Variants in PRAMEF14 observed in about 807,000 individuals in gnomAD.
PRAMEF14 encodes PRAME family member 14.
In PRAMEF14, 24 loss-of-function variants were observed where a neutral mutation model predicts 38.3. That is an observed-to-expected ratio of 0.63 (90% CI 0.45 to 0.88). The LOEUF (loss-of-function observed/expected upper bound fraction) is 0.88. Ranked by LOEUF, PRAMEF14 falls within the 40% of genes least tolerant of loss-of-function variation. The pLI, the probability that PRAMEF14 is intolerant of heterozygous loss-of-function variation, is 0.00. For synonymous variants in PRAMEF14, 194 were observed against 226.4 expected (o/e 0.86, Z 1.29); for missense variants, 477 against 570.8 (o/e 0.84, Z 1.67).
intron 2 of PRAMEF14, 133 bp from the exon 3 acceptor site, chr1:13,344,749 G>C (rs2130973): frequency 2.1e-6 from 3 of 1,457,352 alleles, no homozygotes; most frequent in Non-Finnish European, 2.8e-6. Flanking sequence ...CTCAATCCCT[G>C]TTCCCTTTTG....
In PRAMEF14 at chr1:13,342,546, C is replaced by T. The variant is rs1171945176; in HGVS notation, c.1407G>A (p.Glu469=). Residue 469 remains glutamate (E), a synonymous_variant, in exon 4 of 4, where the codon GAG becomes GAA. Coordinates refer to ENST00000334600, the MANE Select transcript of PRAMEF14 (RefSeq NM_001024661.2). ...SCGSSPSEEL[E]LHLCC is the part of the protein sequence containing the mutation. ...GCCTTCCCTAGCAGCAAAGATGGAG[C>T]TCCAGTTCCTCAGACGGTGATGAGC... 11 of 1,604,654 alleles carry T rather than the reference C, an allele frequency of 6.9e-6. 2 individuals carry two copies. In the East Asian group the frequency reaches 7.2e-5, roughly 10 times the overall value.
chr1:13,345,282 C>G lies in PRAMEF14; in HGVS notation c.33G>C (p.Glu11Asp). The G allele has an allele frequency of 1.2e-6, 2 of 1,607,546 alleles. No individual in the cohort carries two copies. Among genetic ancestry groups the G allele is most frequent in the Non-Finnish European group, 1.7e-6 (2 of 1,178,654 alleles). Residue 11 changes from glutamate (E) to aspartate (D), a missense_variant, in exon 2 of 4, where the codon GAG becomes GAC. This residue lies in a region of PRAMEF14 where 58 missense variants were observed against 119.9 expected (regional missense o/e 0.48). Coordinates refer to ENST00000334600, the MANE Select transcript of PRAMEF14 (RefSeq NM_001024661.2). MSIQAPPRLL[E>D]LAGQSLLRDQ... ...CTCTCAGCAGGCTCTGCCCTGCCAG[C>G]TCCAGGAGTCTGGGTGGGGCCTGGA...
In PRAMEF14 at chr1:13,344,492, A is replaced by G. The variant is rs1553125571; in HGVS notation, c.412T>C (p.Cys138Arg). ...TMSKRQTAEDCPRMGEHQPLK... is the reference protein window; with the variant it reads ...TMSKRQTAEDRPRMGEHQPLK... Reference sequence around the variant, plus strand: ...GGCTGGTGCTCTCCCATCCTTGGACAGTCCTCTGCTGTCTGCCTCTTACTC... The same window carrying G: ...GGCTGGTGCTCTCCCATCCTTGGACGGTCCTCTGCTGTCTGCCTCTTACTC... Residue 138 changes from cysteine to arginine, a missense_variant, in exon 3 of 4, where the codon TGT (cysteine) becomes CGT (arginine). Cys to Arg is a radical substitution (Grantham distance 180). Around this residue, in one of 4 missense-constraint regions of PRAMEF14, gnomAD observed 234 missense variants for 247.4 expected, o/e 0.95. Coordinates refer to ENST00000334600, the MANE Select transcript of PRAMEF14 (RefSeq NM_001024661.2). 7.7e-5 allele frequency: 123 copies of G among 1,607,400 alleles called. 7 individuals are homozygous for G. The highest frequency in any genetic ancestry group is 5.2e-4 in the East Asian group (22 of 42,528).
In PRAMEF14 at chr1:13,344,484, C is replaced by T; in HGVS notation, c.420G>A (p.Arg140=). 2 of 1,607,376 alleles carry T rather than the reference C, an allele frequency of 1.2e-6. No individual in the cohort carries two copies. The highest frequency in any genetic ancestry group is 1.7e-5 in the Admixed American group (1 of 59,822). The change falls in exon 3 of 4, where the codon AGG becomes AGA. Residue 140 remains arginine (R), a synonymous_variant. Transcript: ENST00000334600. Reference sequence around the variant, plus strand: ...CCTTTAAGGGCTGGTGCTCTCCCATCCTTGGACAGTCCTCTGCTGTCTGCC... The same window carrying T: ...CCTTTAAGGGCTGGTGCTCTCCCATTCTTGGACAGTCCTCTGCTGTCTGCC... ...SKRQTAEDCP[R]MGEHQPLKVF...
chr1:13,343,525 C>G (rs1318991309), intron 3 of PRAMEF14: 1 of 1,293,884 alleles, frequency 7.7e-7, no homozygotes, highest in Non-Finnish European at 1.0e-6. Flanking sequence ...ACTCCCTCAC[C>G]TCCATCCCAG....
chr1:13,342,477 A>T lies in PRAMEF14; in HGVS notation c.*51T>A. 2 of 1,601,236 alleles carry T rather than the reference A, an allele frequency of 1.2e-6. No individual in the cohort carries two copies. Among genetic ancestry groups the T allele is most frequent in the Non-Finnish European group, 1.7e-6 (2 of 1,174,196 alleles). ...CCTACATAGTAGATTTTAGTGTCCC[A>T]GTGCCTGGAAGAGAACTTTGGATTT... On this transcript the variant is annotated 3_prime_UTR_variant, in exon 4 of 4. Coordinates refer to ENST00000334600, the MANE Select transcript of PRAMEF14 (RefSeq NM_001024661.2).
chr1:13,345,348 CA>C lies in PRAMEF14; in HGVS notation c.-25-10del. ...ATCTGCAAGAAAAATCTCTAGAAGA[CA>C]AATCCAGGGAAAATGTATCACTCTC... On this transcript the variant is annotated splice_polypyrimidine_tract_variant and intron_variant, in intron 1 of 3. Transcript: ENST00000334600. 2 of 1,602,394 alleles carry C rather than the reference CA, an allele frequency of 1.2e-6. No homozygotes were observed. The highest frequency in any genetic ancestry group is 1.7e-6 in the Non-Finnish European group (2 of 1,176,156).
chr1:13,343,376 AG>A (rs1481588102), intron 3 of PRAMEF14, among the ~76,000 whole-genome samples: 10 of 146,790 alleles, frequency 6.8e-5, no homozygotes, highest in Non-Finnish European at 1.5e-4. Flanking sequence ...TCTGGGCTAC[AG>A]GTACCCGGTG....
chr1:13,342,846 G>C lies in PRAMEF14; in HGVS notation c.1107C>G (p.Ile369Met), dbSNP rs1640348287. Reference protein sequence around the residue: ...CQIHYSQLSAILPGLSHCSQL... With the variant: ...CQIHYSQLSAMLPGLSHCSQL... Reference sequence around the variant, plus strand: ...GGGAGCAGTGGCTCAGGCCAGGCAGGATGGCACTGAGTTGGGAGTAGTGGA... The same window carrying C: ...GGGAGCAGTGGCTCAGGCCAGGCAGCATGGCACTGAGTTGGGAGTAGTGGA... Residue 369 changes from isoleucine to methionine, a missense_variant, in exon 4 of 4, where the codon ATC (isoleucine) becomes ATG (methionine). Transcript: ENST00000334600. 1 of 1,608,850 alleles carries C rather than the reference G, an allele frequency of 6.2e-7. No homozygotes were observed. The highest frequency in any genetic ancestry group is 8.5e-7 in the Non-Finnish European group (1 of 1,179,284).
In PRAMEF14 at chr1:13,342,287, T is replaced by G. The variant is rs1179624976; in HGVS notation, c.*241A>C. On this transcript the variant is annotated 3_prime_UTR_variant, in exon 4 of 4. Coordinates refer to ENST00000334600, the MANE Select transcript of PRAMEF14 (RefSeq NM_001024661.2). ...GCCTGGACACAGTCACTCATGCCAG[T>G]AATCCCAGCACTTTAGGAAGCTGAG... 7.4e-6 allele frequency: 5 copies of G among 676,398 alleles called. No homozygotes were observed. The highest frequency in any genetic ancestry group is 1.8e-5 in the African/African-American group (1 of 55,398). 41.9% of individuals were successfully genotyped at this position (676,398 alleles called of 1,614,324 possible).
At position 13,343,026 on chromosome 1, in the gene PRAMEF14, G is replaced by A. The variant is rs531415458; in HGVS notation, c.927C>T (p.Asp309=). Residue 309 remains aspartate (D), a synonymous_variant, in exon 4 of 4, where the codon GAC becomes GAT. Transcript: ENST00000334600. ...TTGGGTACTGGGAGAGACACTTCAT[G>A]TCTTCTTCCAATAGGTAGCCATAAG... ...ELTYGYLLEE[D]MKCLSQYPSL... is the part of the protein sequence containing the mutation. 2.5e-6 allele frequency: 4 copies of A among 1,612,136 alleles called. No homozygotes were observed. The highest frequency in any genetic ancestry group is 2.5e-6 in the Non-Finnish European group (3 of 1,179,446).
At position 13,343,373 on chromosome 1, in the gene PRAMEF14, T is replaced by C. The variant is rs1553125416; in HGVS notation, c.867-287A>G. On this transcript the variant is annotated intron_variant, in intron 3 of 3. Transcript: ENST00000334600. ...TTAGCAGAAAACTTTATCTCTGGGCTACAGGTACCCGGTGGGAGATGTGAA... is the reference window on the plus strand; with the variant it reads ...TTAGCAGAAAACTTTATCTCTGGGCCACAGGTACCCGGTGGGAGATGTGAA... Among the ~76,000 whole-genome samples the C allele has an allele frequency of 2.0e-3, 290 of 146,708 alleles. 5 individuals carry two copies. The highest frequency in any genetic ancestry group is 8.0e-3 in the East Asian group (35 of 4,370).
At chr1:13,346,555 G>A (rs2172177) in intron 1 of PRAMEF14, among the ~76,000 whole-genome samples, 3 of 149,490 alleles carry the variant, frequency 2.0e-5, no homozygotes, top group African/African-American at 4.9e-5. Flanking sequence ...CTGTAACTCT[G>A]AGATGAAGGT....
Position 13,342,435 on chromosome 1 carries a change from G to A in PRAMEF14, c.*93C>T. The A allele has an allele frequency of 2.0e-6, 3 of 1,509,942 alleles. No homozygotes were observed. The highest frequency in any genetic ancestry group is 2.6e-6 in the Non-Finnish European group (3 of 1,132,240). 93.5% of individuals were successfully genotyped at this position (1,509,942 alleles called of 1,614,324 possible). ...TTAAAAAATGAAATAAATAAGAAAA[G>A]AGAAAAATAGTTTGCACCTACATAG... On this transcript the variant is annotated 3_prime_UTR_variant, in exon 4 of 4. Transcript: ENST00000334600.
At chr1:13,343,974 T>C in intron 3 of PRAMEF14, 64 bp downstream of exon 3, 1 of 1,601,710 alleles carries the variant, frequency 6.2e-7, no homozygotes. Context: ...CGCCTTCTAA[T>C]GTTTGCTGTA....
At chr1:13,345,505 G>A (rs1640390204) in intron 1 of PRAMEF14, among the ~76,000 whole-genome samples, 166 bp from the exon 2 acceptor site, 3 of 150,782 alleles carry the variant, frequency 2.0e-5, no homozygotes, top group East Asian at 2.1e-4. Flanking sequence ...CAGAACCACC[G>A]GACACTGCCA....
Position 13,344,335 on chromosome 1 carries a change from G to C in PRAMEF14, c.569C>G (p.Thr190Arg). The C allele has an allele frequency of 1.9e-6, 3 of 1,607,786 alleles. 1 individual carries two copies. Among genetic ancestry groups the C allele is most frequent in the Non-Finnish European group, 2.5e-6 (3 of 1,178,302 alleles). Residue 190 changes from threonine to arginine, a missense_variant, in exon 3 of 4, where the codon ACG (threonine) becomes AGG (arginine). Thr to Arg is a moderately conservative substitution (Grantham distance 71). Coordinates refer to ENST00000334600, the MANE Select transcript of PRAMEF14 (RefSeq NM_001024661.2). ...LCCSKLVNYL[T>R]PIKHLRKSLK... The stretch of plus-strand genomic sequence containing the variant: ...TGACTTTCTGAGATGTTTAATCGGC[G>C]TTAGATAATTGACCAGCTTACTACA...
chr1:13,342,379 C>A lies in PRAMEF14; in HGVS notation c.*149G>T. The A allele has an allele frequency of 7.6e-7, 1 of 1,315,800 alleles. No homozygotes were observed. Among genetic ancestry groups the A allele is most frequent in the Admixed American group, 2.9e-5 (1 of 34,710 alleles). 81.5% of individuals were successfully genotyped at this position (1,315,800 alleles called of 1,614,324 possible). The stretch of plus-strand genomic sequence containing the variant: ...AGAGCAACACAGAGAAACCCTGTCT[C>A]AAATTGTCTTTAATAAAAATTTTGG... On this transcript the variant is annotated 3_prime_UTR_variant, in exon 4 of 4. Coordinates refer to ENST00000334600, the MANE Select transcript of PRAMEF14 (RefSeq NM_001024661.2).
rs555962870 is a variant in PRAMEF14, at chr1:13,342,678, G to A, written c.1275C>T (p.Val425=). Residue 425 remains valine, a synonymous_variant, in exon 4 of 4, where the codon GTC becomes GTT. Coordinates refer to ENST00000334600, the MANE Select transcript of PRAMEF14 (RefSeq NM_001024661.2). The part of the protein sequence containing the change: ...PEESLNSLVR[V]DWEIFALLRA... ...GAAGTAGGGCGAAGATCTCCCAATC[G>A]ACACGAACCAAGGAATTCAAACTCT... is the stretch of plus-strand genomic sequence containing the variant. 57 of 1,604,946 alleles carry A rather than the reference G, an allele frequency of 3.6e-5. 2 individuals carry two copies. The highest frequency in any genetic ancestry group is 5.0e-5 in the Admixed American group (3 of 59,774).
Sources: gnomAD v4.1 joint callset for allele counts (sites outside exome capture counted in the v4.1 genomes callset) on GRCh38, gnomAD v4.1.1 for gene constraint, gnomAD v4.1.1 regional missense constraint, MANE v1.5 for transcripts, NCBI Gene and HGNC (gene_info 2026-07-23, HGNC 2026-07-21) for gene names.